ATXN7L1: variants seen among roughly 807,000 people sequenced by gnomAD.
ATXN7L1 encodes ataxin-7-like protein 1.
A neutral mutation model predicts 70.8 loss-of-function variants in ATXN7L1; 15 were observed. The observed-to-expected ratio is 0.21, with a 90% CI of 0.14 to 0.33. ATXN7L1 has a LOEUF of 0.33. ATXN7L1 is among the 10% of genes least tolerant of loss of function. ATXN7L1 has a pLI of 1.00. For synonymous variants in ATXN7L1, 440 were observed against 445.1 expected (o/e 0.99, Z 0.14); for missense variants, 975 against 1,097.1 (o/e 0.89, Z 1.57).
intron 4 of ATXN7L1, among the ~76,000 whole-genome samples, chr7:105,646,330 C>T (rs1266577749): frequency 6.6e-6 from 1 of 151,372 alleles, no homozygotes; most frequent in African/African-American, 2.4e-5. Context: ...CCCCCAAACC[C>T]AAACATATTG....
chr7:105,727,750 A>ATATATATATATATATATATATATATG (rs1796016957), intron 3 of ATXN7L1, among the ~76,000 whole-genome samples: 2 of 75,688 alleles, frequency 2.6e-5, no homozygotes, highest in African/African-American at 1.1e-4. Context: ...ATGTGTGTAT[A>ATATATATATATATATATATATATATG]TATATATATA....
chr7:105,749,428 C>G, intron 3 of ATXN7L1, among the ~76,000 whole-genome samples: 1 of 151,734 alleles, frequency 6.6e-6, no homozygotes, highest in East Asian at 1.9e-4. Context: ...CTCAAGAGTT[C>G]TAGTCTTCGG....
chr7:105,825,449 G>A (rs1384414516), intron 2 of ATXN7L1, among the ~76,000 whole-genome samples: 3 of 151,700 alleles, frequency 2.0e-5, no homozygotes, highest in Non-Finnish European at 4.4e-5. Flanking sequence ...CAAAAATAGT[G>A]ACAGGATATA....
At chr7:105,728,343 G>C (rs1369975646) in intron 3 of ATXN7L1, among the ~76,000 whole-genome samples, 1 of 152,118 alleles carries the variant, frequency 6.6e-6, no homozygotes, top group Non-Finnish European at 1.5e-5. Flanking sequence ...TGTTATTCAT[G>C]CATATTGGAA....
At chr7:105,622,707 G>T (rs1003915360) in intron 8 of ATXN7L1, among the ~76,000 whole-genome samples, 2 of 152,178 alleles carry the variant, frequency 1.3e-5, no homozygotes, top group African/African-American at 4.8e-5. Context: ...TCCGGCGGGG[G>T]CATGTGACCC....
At chr7:105,871,388 G>A (rs994256436) in intron 2 of ATXN7L1, among the ~76,000 whole-genome samples, 15 of 152,086 alleles carry the variant, frequency 9.9e-5, no homozygotes, top group East Asian at 3.9e-4. Flanking sequence ...ATCTAGCAAC[G>A]CCTTCTGAAC....
At chr7:105,630,558 C>T (rs1336413808) in intron 7 of ATXN7L1, among the ~76,000 whole-genome samples, 1 of 151,958 alleles carries the variant, frequency 6.6e-6, no homozygotes, top group Non-Finnish European at 1.5e-5. Flanking sequence ...CCCATCTCTA[C>T]AAAAAATACA....
intron 3 of ATXN7L1, among the ~76,000 whole-genome samples, chr7:105,776,160 G>C (rs183779124): frequency 1.8e-4 from 28 of 152,292 alleles, no homozygotes; most frequent in African/African-American, 6.5e-4. Context: ...ACAGCTCTGA[G>C]GAATGGAATG....
intron 2 of ATXN7L1, among the ~76,000 whole-genome samples, chr7:105,851,988 T>C (rs373917078): frequency 1.3e-5 from 2 of 152,280 alleles, no homozygotes; most frequent in African/African-American, 4.8e-5. Flanking sequence ...TCCACCACCA[T>C]CTTTGGTCAG....
At chr7:105,828,999 A>T (rs1811228259) in intron 2 of ATXN7L1, among the ~76,000 whole-genome samples, 1 of 152,242 alleles carries the variant, frequency 6.6e-6, no homozygotes, top group Non-Finnish European at 1.5e-5. Context: ...AATACTAGAT[A>T]AGCAGTCTTA....
At chr7:105,646,383 G>A (rs2115950987) in intron 4 of ATXN7L1, among the ~76,000 whole-genome samples, 1 of 151,716 alleles carries the variant, frequency 6.6e-6, no homozygotes, top group African/African-American at 2.4e-5. Flanking sequence ...GGATTTTGGG[G>A]GGCCAGGGTG....
intron 3 of ATXN7L1, among the ~76,000 whole-genome samples, chr7:105,763,479 G>A (rs1221552825): frequency 6.6e-6 from 1 of 152,198 alleles, no homozygotes; most frequent in African/African-American, 2.4e-5. Context: ...AGGCCATGAG[G>A]CTGCCTCTTG....
intron 3 of ATXN7L1, chr7:105,761,157 G>A: frequency 8.0e-7 from 1 of 1,257,738 alleles, no homozygotes; most frequent in Non-Finnish European, 1.0e-6. Context: ...TTGTGGTGGT[G>A]AAAATGAAGA....
At chr7:105,687,278 G>T (rs114091163) in intron 3 of ATXN7L1, among the ~76,000 whole-genome samples, 216 of 152,298 alleles carry the variant, frequency 1.4e-3, no homozygotes, top group African/African-American at 5.0e-3. Context: ...GACCAGGCTT[G>T]GCAGATTGGT....
At chr7:105,620,980 T>G (rs571434617) in intron 8 of ATXN7L1, among the ~76,000 whole-genome samples, 1 of 152,206 alleles carries the variant, frequency 6.6e-6, no homozygotes, top group African/African-American at 2.4e-5. Flanking sequence ...CCACATTTTC[T>G]CAAGGAACTT....
At chr7:105,794,626 G>A (rs1805729780) in intron 2 of ATXN7L1, among the ~76,000 whole-genome samples, 1 of 152,148 alleles carries the variant, frequency 6.6e-6, no homozygotes. Context: ...GAACTGAACT[G>A]AAATGGAAAT....
rs576142160 is a variant in ATXN7L1 at position 105,861,527 on chromosome 7, C to T, written c.250+14285G>A. On this transcript the variant is annotated intron_variant, in intron 2 of 11. Transcript: ENST00000419735. ...TAGTGATGGGGAAAACGCACAGGCT[C>T]GGCTTGCTCTTGGGTCTAGTGGAGT... Among the ~76,000 whole-genome samples, 7 of 151,774 alleles carry T rather than the reference C, an allele frequency of 4.6e-5. No individual in the cohort carries two copies. In the East Asian group the frequency reaches 5.8e-4, roughly 13 times the overall value.
intron 4 of ATXN7L1, chr7:105,649,343 G>T (rs2115969719): frequency 1.0e-6 from 1 of 985,638 alleles, no homozygotes; most frequent in Non-Finnish European, 1.2e-6. Context: ...TCGGTCCTGG[G>T]AAAGAAACCC....
chr7:105,713,145 T>C (rs1300154469), intron 3 of ATXN7L1, among the ~76,000 whole-genome samples: 4 of 152,202 alleles, frequency 2.6e-5, no homozygotes, highest in Admixed American at 2.6e-4. Context: ...CATCAGATCT[T>C]GTGAGAACTC....
Sources: allele counts gnomAD v4.1 joint callset (sites outside exome capture counted in the v4.1 genomes callset), GRCh38; gene constraint gnomAD v4.1.1; transcripts MANE v1.5; gene names NCBI Gene and HGNC (gene_info 2026-07-23, HGNC 2026-07-21).